Variants in PPM1B observed in about 807,000 individuals in gnomAD.
PPM1B encodes protein phosphatase 1B.
A neutral mutation model predicts 43.0 loss-of-function variants in PPM1B; 22 were observed. The observed-to-expected ratio is 0.51, with a 90% CI of 0.37 to 0.73. The LOEUF (loss-of-function observed/expected upper bound fraction) is 0.73. Ranked by LOEUF, PPM1B falls within the 30% of genes least tolerant of loss-of-function variation. The pLI is 0.00. For synonymous variants in PPM1B, 217 were observed against 197.9 expected (o/e 1.10, Z -0.81); for missense variants, 632 against 584.2 (o/e 1.08, Z -0.84).
chr2:44,222,124 C>G (rs1253069336), intron 5 of PPM1B, among the ~76,000 whole-genome samples: 1 of 152,002 alleles, frequency 6.6e-6, no homozygotes, highest in African/African-American at 2.4e-5. Flanking sequence ...AGACAGGGCT[C>G]TGGGATCATA....
At chr2:44,174,171 TATC>T (rs1434831204) in intron 1 of PPM1B, among the ~76,000 whole-genome samples, 2 of 152,372 alleles carry the variant, frequency 1.3e-5, no homozygotes, top group African/African-American at 2.4e-5. Context: ...AATGTTTAAG[TATC>T]ATCAGTATTC....
downstream of PPM1B, among the ~76,000 whole-genome samples, chr2:44,238,248 T>C (rs761548865): frequency 2.0e-5 from 3 of 152,286 alleles, no homozygotes; most frequent in East Asian, 1.9e-4. Flanking sequence ...TGACATGATA[T>C]AGAGTACCAT....
intron 1 of PPM1B, among the ~76,000 whole-genome samples, chr2:44,183,783 G>C (rs1651878136): frequency 6.6e-6 from 1 of 152,038 alleles, no homozygotes; most frequent in Non-Finnish European, 1.5e-5. Flanking sequence ...CAGTCGCCCA[G>C]GCTGGAGTGC....
intron 5 of PPM1B, among the ~76,000 whole-genome samples, chr2:44,239,941 A>G (rs1670710934): frequency 6.8e-6 from 1 of 147,786 alleles, no homozygotes; most frequent in Non-Finnish European, 1.5e-5. Context: ...CATCATTTAG[A>G]TTACTATAGC....
At chr2:44,230,305 T>A (rs1670412228) in intron 5 of PPM1B, 108 bp from the exon 6 acceptor site, 3 of 1,518,978 alleles carry the variant, frequency 2.0e-6, no homozygotes, top group Non-Finnish European at 2.6e-6. Flanking sequence ...ATGCTTAGAC[T>A]ATATTACTTT....
At chr2:44,232,455 T>G, downstream of PPM1B, 2 of 1,560,810 alleles carry the variant, frequency 1.3e-6, no homozygotes, top group Non-Finnish European at 8.6e-7. Context: ...TCCCAACGTT[T>G]TGTGATATGA....
chr2:44,187,110 G>A (rs1251088764), intron 1 of PPM1B, among the ~76,000 whole-genome samples: 1 of 152,074 alleles, frequency 6.6e-6, no homozygotes, highest in Non-Finnish European at 1.5e-5. Context: ...TCCAGTCCAT[G>A]GTAACTATCA....
rs149593321 is a variant in PPM1B at position 44,229,096 on chromosome 2, C to T, written c.1135-1317C>T. 4.2e-3 allele frequency among the ~76,000 whole-genome samples: 643 copies of T among 151,532 alleles called. 7 individuals carry two copies. Among genetic ancestry groups the T allele is most frequent in the African/African-American group, 0.015 (613 of 41,322 alleles). On this transcript the variant is annotated intron_variant, in intron 5 of 5. Transcript: ENST00000282412. ...ACTCGGGAGGCTGAGGCAGGAGAAT[C>T]GCTTAAATCCTCGAGGTGGAGGTTG...
chr2:44,189,484 G>T (rs897235341), intron 1 of PPM1B, among the ~76,000 whole-genome samples: 2 of 151,946 alleles, frequency 1.3e-5, no homozygotes, highest in Non-Finnish European at 2.9e-5. Flanking sequence ...TTTATTTATT[G>T]ATTTTCGAGA....
chr2:44,199,564 AGAT>A (rs1405641643), intron 1 of PPM1B, among the ~76,000 whole-genome samples: 2 of 152,180 alleles, frequency 1.3e-5, no homozygotes, highest in Non-Finnish European at 2.9e-5. Context: ...GTTGCCTTTC[AGAT>A]GAAATAGCCT....
chr2:44,210,570 A>G (rs999849173), intron 3 of PPM1B, among the ~76,000 whole-genome samples: 3 of 152,082 alleles, frequency 2.0e-5, no homozygotes, highest in African/African-American at 7.2e-5. Context: ...AGGATCTCCC[A>G]TGTACATGTA....
chr2:44,188,059 A>G (rs552520916), intron 1 of PPM1B, among the ~76,000 whole-genome samples: 1 of 152,222 alleles, frequency 6.6e-6, no homozygotes, highest in South Asian at 2.1e-4. Flanking sequence ...CTTCACCTTT[A>G]AATTTTTTAA....
At chr2:44,223,123 C>T (rs571807154) in intron 5 of PPM1B, among the ~76,000 whole-genome samples, 7 of 152,174 alleles carry the variant, frequency 4.6e-5, no homozygotes, top group Admixed American at 6.5e-5. Context: ...TGAGCCACTG[C>T]ATCCAACCAC....
At chr2:44,220,065 A>G (rs1002905912) in intron 5 of PPM1B, among the ~76,000 whole-genome samples, 1 of 152,068 alleles carries the variant, frequency 6.6e-6, no homozygotes, top group African/African-American at 2.4e-5. Flanking sequence ...GACTAAAAGG[A>G]TGGTGGTAAT....
intron 3 of PPM1B, among the ~76,000 whole-genome samples, chr2:44,210,822 A>C (rs183590773): frequency 6.6e-6 from 1 of 152,266 alleles, no homozygotes; most frequent in Non-Finnish European, 1.5e-5. Flanking sequence ...ATGACACTAC[A>C]TAACTGTAGT....
intron 5 of PPM1B, among the ~76,000 whole-genome samples, chr2:44,241,164 C>T (rs10198537): frequency 0.26 from 36,824 of 142,314 alleles, 8,079 homozygotes; most frequent in African/African-American, 0.43. Flanking sequence ...TCACCACGCC[C>T]GGCTGATTTT....
chr2:44,197,453 T>G (rs1043656242), intron 1 of PPM1B, among the ~76,000 whole-genome samples: 2 of 152,178 alleles, frequency 1.3e-5, no homozygotes, highest in South Asian at 2.1e-4. Flanking sequence ...CTGTAGTGCG[T>G]TTATCAAAAA....
At position 44,212,879 on chromosome 2, in the gene PPM1B, G is replaced by A. The variant is rs1203664964; in HGVS notation, c.964+3552G>A. On this transcript the variant is annotated intron_variant, in intron 3 of 5. Transcript: ENST00000282412. ...CAAAAAGAAATTAGCTGGGCGTGGT[G>A]GTGGGCGCCTGTAGTCCCAGCTACT... Among the ~76,000 whole-genome samples the A allele has an allele frequency of 3.3e-5, 5 of 151,990 alleles. No individual in the cohort carries two copies. In the East Asian group the frequency reaches 7.7e-4, roughly 23 times the overall value.
downstream of PPM1B, chr2:44,232,245 C>G: frequency 6.4e-7 from 1 of 1,561,068 alleles, no homozygotes; most frequent in Non-Finnish European, 8.6e-7. Flanking sequence ...ATTTTGTTTT[C>G]TTTTGAAATT....
Sources: allele counts gnomAD v4.1 joint callset (sites outside exome capture counted in the v4.1 genomes callset), GRCh38; gene constraint gnomAD v4.1.1; transcripts MANE v1.5; gene names NCBI Gene and HGNC (gene_info 2026-07-23, HGNC 2026-07-21).